The following VWC2L variants were observed in gnomAD, a reference collection of about 807,000 sequenced individuals.
VWC2L encodes von Willebrand factor C domain-containing protein 2-like.
In VWC2L, 10 loss-of-function variants were observed where a neutral mutation model predicts 21.6. The ratio of observed to expected loss-of-function variants is 0.46; its 90% CI spans 0.29 to 0.78. VWC2L has a LOEUF of 0.78. Among genes scored for constraint, VWC2L ranks in the 30% least tolerant of loss-of-function variants. The probability of loss-of-function intolerance (pLI) is 0.10; values close to 1 mark genes in which losing one functional copy is unlikely to be tolerated. For missense variants in VWC2L, 209 were observed against 277.1 expected (o/e 0.75, Z 1.74); for synonymous variants, 96 against 94.3 (o/e 1.02, Z -0.10).
At chr2:214,485,839 T>C (rs186912828) in intron 3 of VWC2L, among the ~76,000 whole-genome samples, 1 of 152,138 alleles carries the variant, frequency 6.6e-6, no homozygotes, top group Non-Finnish European at 1.5e-5. Flanking sequence ...CTCTCCAAAA[T>C]GAAGTAAATT....
intron 3 of VWC2L, among the ~76,000 whole-genome samples, chr2:214,558,640 C>T (rs1277048092): frequency 1.3e-5 from 2 of 152,104 alleles, no homozygotes; most frequent in African/African-American, 4.8e-5. Flanking sequence ...ATTATCTTTG[C>T]CTGGACTAGT....
At chr2:214,460,406 G>A (rs10180535) in intron 3 of VWC2L, among the ~76,000 whole-genome samples, 23,954 of 151,758 alleles carry the variant, frequency 0.16, 1,968 homozygotes, top group East Asian at 0.25. Context: ...TGACTATCTG[G>A]TTGCTTTATA....
At chr2:214,425,347 C>T (rs1702506240) in intron 2 of VWC2L, among the ~76,000 whole-genome samples, 1 of 152,072 alleles carries the variant, frequency 6.6e-6, no homozygotes, top group Non-Finnish European at 1.5e-5. Context: ...TTTCAAAAAG[C>T]CTGTAGATTT....
chr2:214,418,938 C>T (rs1045591439), intron 2 of VWC2L, among the ~76,000 whole-genome samples: 3 of 152,212 alleles, frequency 2.0e-5, no homozygotes, highest in Admixed American at 2.0e-4. Flanking sequence ...TCCATCCCAG[C>T]ATCGCAATGA....
intron 3 of VWC2L, among the ~76,000 whole-genome samples, chr2:214,543,962 G>A (rs551857708): frequency 8.5e-5 from 13 of 152,284 alleles, no homozygotes; most frequent in African/African-American, 3.1e-4. Flanking sequence ...GATCTATAGC[G>A]CTTTGCAAGT....
intron 3 of VWC2L, among the ~76,000 whole-genome samples, chr2:214,441,414 T>C (rs186775555): frequency 1.3e-5 from 2 of 151,980 alleles, no homozygotes; most frequent in East Asian, 3.9e-4. Context: ...ATAAAAAATA[T>C]ATAATAATCA....
At chr2:214,467,431 T>A (rs1703233326) in intron 3 of VWC2L, among the ~76,000 whole-genome samples, 1 of 152,200 alleles carries the variant, frequency 6.6e-6, no homozygotes, top group African/African-American at 2.4e-5. Flanking sequence ...TCATCTGATT[T>A]TCCCTACCCA....
In VWC2L at chr2:214,414,321, T is replaced by C. The variant is rs1287385368; in HGVS notation, c.128T>C (p.Leu43Pro). The change falls in exon 2 of 4, where the codon CTG (leucine) becomes CCG (proline). Residue 43 changes from leucine (L) to proline (P), a missense_variant. By Grantham distance (98) the Leu-to-Pro change is moderately conservative. Transcript: ENST00000312504. ...EGDQISSNDN[L>P]IFDDYRGKGC... ...GACCAGATCTCCAGTAATGACAATC[T>C]GATCTTTGATGACTATCGAGGGAAA... 1.2e-6 allele frequency: 2 copies of C among 1,613,780 alleles called. No individual in the cohort carries two copies. The highest frequency in any genetic ancestry group is 2.7e-5 in the African/African-American group (2 of 74,910).
intron 3 of VWC2L, among the ~76,000 whole-genome samples, chr2:214,548,148 T>C (rs138147115): frequency 3.6e-4 from 55 of 152,306 alleles, no homozygotes; most frequent in African/African-American, 1.3e-3. Flanking sequence ...GACACTTTCT[T>C]CTCTGAGGCT....
At chr2:214,562,353 A>G (rs369266719) in intron 3 of VWC2L, among the ~76,000 whole-genome samples, 1 of 152,300 alleles carries the variant, frequency 6.6e-6, no homozygotes, top group East Asian at 1.9e-4. Context: ...ATAGTATTCC[A>G]TTGTGTATAT....
At chr2:214,531,947 A>C (rs920447529) in intron 3 of VWC2L, among the ~76,000 whole-genome samples, 1 of 152,146 alleles carries the variant, frequency 6.6e-6, no homozygotes, top group East Asian at 1.9e-4. Flanking sequence ...TTCAATCTTC[A>C]TAAGGAATCA....
intron 3 of VWC2L, among the ~76,000 whole-genome samples, chr2:214,497,747 C>G (rs1356879461): frequency 2.0e-5 from 3 of 152,180 alleles, no homozygotes; most frequent in African/African-American, 7.2e-5. Context: ...CCTGATGAAT[C>G]AGAATCTCTG....
At chr2:214,462,580 A>G (rs1287935194) in intron 3 of VWC2L, among the ~76,000 whole-genome samples, 1 of 152,092 alleles carries the variant, frequency 6.6e-6, no homozygotes, top group Non-Finnish European at 1.5e-5. Context: ...TCTCATGTAT[A>G]TTTCTTTCCT....
intron 3 of VWC2L, among the ~76,000 whole-genome samples, chr2:214,467,475 A>G (rs1703233954): frequency 6.6e-6 from 1 of 152,232 alleles, no homozygotes; most frequent in South Asian, 2.1e-4. Flanking sequence ...AGGCAGAAAC[A>G]AGGGGCAATC....
intron 3 of VWC2L, among the ~76,000 whole-genome samples, chr2:214,526,771 G>C (rs972411975): frequency 6.6e-6 from 1 of 152,178 alleles, no homozygotes; most frequent in Admixed American, 6.5e-5. Flanking sequence ...ATGTAAATTA[G>C]TTCAGCCACT....
chr2:214,488,554 C>T (rs753210195), intron 3 of VWC2L, among the ~76,000 whole-genome samples: 1 of 152,120 alleles, frequency 6.6e-6, no homozygotes, highest in Non-Finnish European at 1.5e-5. Context: ...GCCGTGTTCA[C>T]ACCACTGCAC....
At chr2:214,447,037 A>C (rs866511998) in intron 3 of VWC2L, among the ~76,000 whole-genome samples, 1 of 152,044 alleles carries the variant, frequency 6.6e-6, no homozygotes, top group Non-Finnish European at 1.5e-5. Context: ...GATTTCTAGG[A>C]TTGTAGACAG....
intron 3 of VWC2L, among the ~76,000 whole-genome samples, chr2:214,447,813 C>A (rs1405658408): frequency 6.6e-6 from 1 of 152,056 alleles, no homozygotes; most frequent in Non-Finnish European, 1.5e-5. Flanking sequence ...TTCTTGGGCT[C>A]TTGCATCTCC....
At chr2:214,482,662 TA>T (rs202153995) in intron 3 of VWC2L, among the ~76,000 whole-genome samples, 2,730 of 146,622 alleles carry the variant, frequency 0.019, 87 homozygotes, top group African/African-American at 0.067. Context: ...TATATATATA[TA>T]TTTTTTTTTC....
Sources: allele counts gnomAD v4.1 joint callset (sites outside exome capture counted in the v4.1 genomes callset), GRCh38; gene constraint gnomAD v4.1.1; transcripts MANE v1.5; gene names NCBI Gene and HGNC (gene_info 2026-07-23, HGNC 2026-07-21).